Variants in DMD observed in about 807,000 individuals in gnomAD.
DMD encodes dystrophin, also known as mutant dystrophin.
DMD carries 63 observed loss-of-function variants against 330.1 expected under a neutral mutation model. The ratio of observed to expected loss-of-function variants is 0.19; its 90% CI spans 0.16 to 0.24. The LOEUF (loss-of-function observed/expected upper bound fraction) is 0.24, where lower values mean the gene tolerates loss of function less well. Among genes scored for constraint, DMD ranks in the 10% least tolerant of loss-of-function variants. DMD has a pLI of 1.00. For missense variants in DMD, 3,344 were observed against 2,684.1 expected (o/e 1.25, Z -5.43); for synonymous variants, 1,223 against 959.8 (o/e 1.27, Z -5.07).
At chrX:32,919,042 A>G (rs2088124094) in intron 2 of DMD, among the ~76,000 whole-genome samples, 1 of 112,300 alleles carries the variant, frequency 8.9e-6, no homozygotes, top group South Asian at 3.7e-4. Flanking sequence ...AGACTGCCTT[A>G]AAGTTTAAGT....
intron 47 of DMD, among the ~76,000 whole-genome samples, chrX:31,913,641 T>C (rs1743685598): frequency 9.0e-6 from 1 of 111,395 alleles, no homozygotes; most frequent in South Asian, 3.8e-4. Context: ...CTCTGTCTCT[T>C]TCAAGATTAA....
intron 2 of DMD, among the ~76,000 whole-genome samples, chrX:32,932,772 G>A (rs2089702215): frequency 9.0e-6 from 1 of 111,622 alleles, no homozygotes; most frequent in African/African-American, 3.3e-5. Flanking sequence ...CTGACTACCA[G>A]TTTCAGGGTA....
intron 2 of DMD, among the ~76,000 whole-genome samples, chrX:32,866,701 A>G (rs2082505566): frequency 1.3e-5 from 1 of 75,117 alleles, no homozygotes; most frequent in Non-Finnish European, 2.2e-5. Context: ...CAACCTTAAT[A>G]TATACATACA....
In DMD at chrX:32,464,624, C is replaced by A. The variant is rs916706146; in HGVS notation, c.3238G>T (p.Asp1080Tyr). Residue 1080 changes from aspartate to tyrosine, a missense_variant, in exon 24 of 79, where the codon GAT becomes TAT. Transcript: ENST00000357033. ...AGCTGCTTTTTTAGAATTTCTGAAT[C>A]CCCAAGGGCAGGCCATTCCTCCTTC... ...FLKEEWPALGDSEILKKQLKQ... is the reference protein window; with the variant it reads ...FLKEEWPALGYSEILKKQLKQ... 8.3e-7 allele frequency: 1 copy of A among 1,210,354 alleles called. No individual in the cohort carries two copies. The highest frequency in any genetic ancestry group is 1.1e-6 in the Non-Finnish European group (1 of 894,265).
intron 50 of DMD, among the ~76,000 whole-genome samples, chrX:31,790,260 A>T (rs1451266567): frequency 1.8e-5 from 2 of 111,233 alleles, no homozygotes; most frequent in Non-Finnish European, 3.8e-5. Context: ...TCTGACGTAA[A>T]AGTGGAATTG....
At chrX:32,286,879 T>C (rs1271077621) in intron 43 of DMD, among the ~76,000 whole-genome samples, 1 of 111,991 alleles carries the variant, frequency 8.9e-6, no homozygotes, top group African/African-American at 3.2e-5. Flanking sequence ...CACTTTAAGC[T>C]GTTAGAGAAC....
intron 10 of DMD, among the ~76,000 whole-genome samples, chrX:32,644,541 G>A (rs962303697): frequency 6.4e-5 from 7 of 110,076 alleles, no homozygotes; most frequent in Non-Finnish European, 9.5e-5. Flanking sequence ...AAGGACTTCA[G>A]TGCAAGTGAT....
chrX:32,404,970 C>G (rs983920475), intron 30 of DMD, among the ~76,000 whole-genome samples: 1 of 111,549 alleles, frequency 9.0e-6, no homozygotes, highest in Non-Finnish European at 1.9e-5. Flanking sequence ...AGGAAAAAAT[C>G]AAAATAGGAG....
At chrX:33,041,672 A>G in intron 1 of DMD, 1 of 1,209,098 alleles carries the variant, frequency 8.3e-7, no homozygotes, top group Non-Finnish European at 1.1e-6. Context: ...GAAGCTGAGG[A>G]ATATAAAGAA....
chrX:32,229,294 C>G (rs1486635566), intron 43 of DMD, among the ~76,000 whole-genome samples: 2 of 110,279 alleles, frequency 1.8e-5, no homozygotes, highest in African/African-American at 6.6e-5. Context: ...TTCTAAGCAG[C>G]ATTTGCTCAA....
intron 1 of DMD, among the ~76,000 whole-genome samples, chrX:33,230,770 A>G (rs753762708): frequency 9.0e-6 from 1 of 111,117 alleles, no homozygotes; most frequent in East Asian, 2.8e-4. Context: ...TGTGAGGTGG[A>G]CGTATACATC....
chrX:32,849,243 C>T (rs188116387), intron 3 of DMD, among the ~76,000 whole-genome samples: 2 of 111,667 alleles, frequency 1.8e-5, no homozygotes, highest in African/African-American at 3.3e-5. Flanking sequence ...GTATATCAAT[C>T]ATGTATCTTC....
At position 33,211,293 on chromosome X, in the gene DMD, A is replaced by G. The variant is rs765870891; in HGVS notation, c.20T>C (p.Val7Ala). 3.3e-6 allele frequency: 4 copies of G among 1,207,517 alleles called. No homozygotes were observed. Among genetic ancestry groups the G allele is most frequent in the Non-Finnish European group, 4.5e-6 (4 of 893,999 alleles). Residue 7 changes from valine to alanine, a missense_variant, in exon 1 of 79, where the codon GTA becomes GCA. Transcript: ENST00000357033. MLWWEE[V>A]EDCYEREDVQ... Reference sequence around the variant, plus strand: ...TACTTTGTACTTACAACAGTCCTCTACTTCTTCCCACCAAAGCATTTTGAA... The same window carrying G: ...TACTTTGTACTTACAACAGTCCTCTGCTTCTTCCCACCAAAGCATTTTGAA...
chrX:31,178,267 G>C (rs2040760762), intron 70 of DMD: 1 of 751,058 alleles, frequency 1.3e-6, no homozygotes, highest in Non-Finnish European at 1.6e-6. Context: ...CTTTTGAGTA[G>C]AAACAAGTGA....
At position 32,638,985 on chromosome X, in the gene DMD, T is replaced by C. The variant is rs1050739805; in HGVS notation, c.1331+5147A>G. On this transcript the variant is annotated intron_variant, in intron 11 of 78. Coordinates refer to ENST00000357033, the MANE Select transcript of DMD (RefSeq NM_004006.3). ...TGATTCACAATTATTTTCCATATTA[T>C]GGCTTGTGTATCTACCCAGATACTA... Among the ~76,000 whole-genome samples the C allele has an allele frequency of 8.9e-5, 10 of 111,859 alleles. No individual in the cohort carries two copies. In the Admixed American group the frequency reaches 9.5e-4, roughly 11 times the overall value.
At chrX:31,227,978 A>G (rs2046792148) in intron 63 of DMD, among the ~76,000 whole-genome samples, 1 of 108,169 alleles carries the variant, frequency 9.2e-6, no homozygotes, top group Admixed American at 9.9e-5. Flanking sequence ...GAAATTGGAA[A>G]TCATCATTCT....
At chrX:32,533,338 A>G (rs1174506574) in intron 17 of DMD, among the ~76,000 whole-genome samples, 1 of 111,527 alleles carries the variant, frequency 9.0e-6, no homozygotes, top group Non-Finnish European at 1.9e-5. Flanking sequence ...TTACTTCTAA[A>G]CTTCCTTTAC....
rs141571771 is a variant in DMD at position 32,750,217 on chromosome X, T to A, written c.650-50924A>T. 6.4e-3 allele frequency among the ~76,000 whole-genome samples: 715 copies of A among 112,180 alleles called. 8 individuals carry two copies. The highest frequency in any genetic ancestry group is 0.022 in the African/African-American group (687 of 30,895). On this transcript the variant is annotated intron_variant, in intron 7 of 78. Transcript: ENST00000357033. ...AAACTCTATGAAAACTAGCATAGCA[T>A]TAGAGTTAGAAAACTGAATCATGTC...
chrX:31,513,945 C>T lies in DMD; in HGVS notation c.8218-6492G>A, dbSNP rs575451376. On this transcript the variant is annotated intron_variant, in intron 55 of 78. Transcript: ENST00000357033. ...ATAAATGCAGCAAGATTTAGAACCT[C>T]GTCAGTCAGACTTCAGGGATTGTGC... Among the ~76,000 whole-genome samples, 16 of 112,048 alleles carry T rather than the reference C, an allele frequency of 1.4e-4. No homozygotes were observed. The South Asian group carries it at 6.0e-3, about 42-fold the overall frequency.
Sources: gnomAD v4.1 joint callset for allele counts (sites outside exome capture counted in the v4.1 genomes callset) on GRCh38, gnomAD v4.1.1 for gene constraint, MANE v1.5 for transcripts, NCBI Gene and HGNC (gene_info 2026-07-23, HGNC 2026-07-21) for gene names.